The following UBR4 variants were observed in gnomAD, a reference collection of about 807,000 sequenced individuals.
The protein encoded by UBR4 is ubiquitin protein ligase E3 component n-recognin 4.
In UBR4, 124 loss-of-function variants were observed where a neutral mutation model predicts 575.6. That is an observed-to-expected ratio of 0.22 (90% confidence interval 0.19 to 0.25). The LOEUF is 0.25. Among genes scored for constraint, UBR4 ranks in the 10% least tolerant of loss-of-function variants. UBR4 has a pLI of 1.00. For synonymous variants in UBR4, 2,455 were observed against 2,473.7 expected, an observed-to-expected ratio of 0.99 and a Z score of 0.22; for missense variants, 4,818 against 6,478.8, an observed-to-expected ratio of 0.74 and a Z score of 8.80.
Position 19,104,157 on chromosome 1 carries a change from C to T in UBR4, c.12828G>A (p.Leu4276=), listed in dbSNP as rs1302207201. 6 of 1,614,146 alleles carry T rather than the reference C, an allele frequency of 3.7e-6. No homozygotes were observed. Among genetic ancestry groups the T allele is most frequent in the Non-Finnish European group, 5.1e-6 (6 of 1,180,062 alleles). The part of the protein sequence containing the change: ...VLNGYLCLRK[L]VVQRTKLIDE... ...CGATCAGCTTGGTCCTCTGCACCAC[C>T]AGCTTCCGCAAGCACAGGTATCCAT... The change falls in exon 87 of 106, where the codon CTG becomes CTA. Residue 4276 remains leucine (L), a synonymous_variant. Coordinates refer to ENST00000375254, the MANE Select transcript of UBR4 (RefSeq NM_020765.3).
At chr1:19,151,543 G>A in intron 48 of UBR4, 100 bp downstream of exon 48, 3 of 1,274,682 alleles carry the variant, frequency 2.4e-6, no homozygotes, top group Non-Finnish European at 3.4e-6. Flanking sequence ...AAAATCAGCA[G>A]AGTGGAGAGA....
In UBR4 at chr1:19,175,051, G is replaced by A; in HGVS notation, c.2774-18C>T. ...GACAGCATCTGAAAAGTAATATGCT[G>A]ATTAAAAGAATGGTTCCATTCTTAA... On this transcript the variant is annotated intron_variant, in intron 20 of 105. Coordinates refer to ENST00000375254, the MANE Select transcript of UBR4 (RefSeq NM_020765.3). The A allele has an allele frequency of 6.2e-7, 1 of 1,602,074 alleles. No individual in the cohort carries two copies. The highest frequency in any genetic ancestry group is 8.5e-7 in the Non-Finnish European group (1 of 1,171,408).
chr1:19,081,104 T>G (rs768725621), intron 103 of UBR4: 1 of 439,104 alleles, frequency 2.3e-6, no homozygotes, highest in Non-Finnish European at 4.1e-6. Flanking sequence ...TTCCTAACAT[T>G]TTCTACAGTA....
rs200325207 is a variant in UBR4 at position 19,153,304 on chromosome 1, T to C, written c.6829A>G (p.Ile2277Val). ...GTCATCTGAGAAGGAGCCTTACTGATTGTAGCTGTTTTGCGCTTTCGAACA... is the reference window on the plus strand; with the variant it reads ...GTCATCTGAGAAGGAGCCTTACTGACTGTAGCTGTTTTGCGCTTTCGAACA... ...KPVRKRKTAT[I>V]TTRTSSQVTF... Residue 2277 changes from isoleucine (I) to valine (V), a missense_variant, in exon 46 of 106, where the codon ATC becomes GTC. Ile to Val is a conservative substitution (Grantham distance 29). This residue lies in a region of UBR4 where 461 missense variants were observed against 606.9 expected (regional missense o/e 0.76). Transcript: ENST00000375254. This position sits in a 1 kb window ranked among gnomAD's most constrained non-coding sequence, Gnocchi z 4.1. The C allele has an allele frequency of 8.1e-5, 130 of 1,614,052 alleles. No individual in the cohort carries two copies. The highest frequency in any genetic ancestry group is 1.1e-4 in the Non-Finnish European group (127 of 1,180,016).
At chr1:19,101,399 A>G in intron 88 of UBR4, 121 bp downstream of exon 88, 2 of 1,324,112 alleles carry the variant, frequency 1.5e-6, no homozygotes, top group Non-Finnish European at 2.0e-6. Flanking sequence ...TTCTTTCACT[A>G]ATGACTAAGT....
intron 17 of UBR4, among the ~76,000 whole-genome samples, chr1:19,182,363 T>C (rs139421729): frequency 2.0e-5 from 3 of 151,598 alleles, no homozygotes; most frequent in African/African-American, 7.3e-5. Context: ...TTTTGGCAGA[T>C]GGGGATCTTG....
At position 19,190,979 on chromosome 1, in the gene UBR4, C is replaced by G. The variant is rs140315763; in HGVS notation, c.1394+1209G>C. On this transcript the variant is annotated intron_variant, in intron 11 of 105. Coordinates refer to ENST00000375254, the MANE Select transcript of UBR4 (RefSeq NM_020765.3). ...CTGGCTACCTGTCTGACCTAATTTTCTACCACTCTCCCACCTTGGTTTCTC... is the reference window on the plus strand; with the variant it reads ...CTGGCTACCTGTCTGACCTAATTTTGTACCACTCTCCCACCTTGGTTTCTC... 1.7e-3 allele frequency among the ~76,000 whole-genome samples: 252 copies of G among 152,272 alleles called. 3 individuals are homozygous for G. The highest frequency in any genetic ancestry group is 5.8e-3 in the African/African-American group (243 of 41,568).
rs542367665 is a variant in UBR4, at chr1:19,146,122, C to T, written c.7805-189G>A. 1,008 of 1,536,492 alleles carry T rather than the reference C, an allele frequency of 6.6e-4. 17 individuals are homozygous for T. The South Asian group carries it at 0.011, about 17-fold the overall frequency. ...AAAAAACAGTCTGGGAAAGGAATAT[C>T]GCAGAAAACATTGTATGTTAGAATT... On this transcript the variant is annotated intron_variant, in intron 52 of 105. Coordinates refer to ENST00000375254, the MANE Select transcript of UBR4 (RefSeq NM_020765.3).
At position 19,165,673 on chromosome 1, in the gene UBR4, C is replaced by T. The variant is rs368119637; in HGVS notation, c.4194G>A (p.Glu1398=). ...CGGCTCACCTGTCAGAGAAAAACTC[C>T]TCCATAGCTTTACGAGCCTGGCTAC... ...LESSQARKAM[E]EFFSDSGELV... The change falls in exon 30 of 106, where the codon GAG becomes GAA. Residue 1398 remains glutamate (E), a synonymous_variant. Coordinates refer to ENST00000375254, the MANE Select transcript of UBR4 (RefSeq NM_020765.3). 4.5e-5 allele frequency: 72 copies of T among 1,614,012 alleles called. No homozygotes were observed. The highest frequency in any genetic ancestry group is 1.7e-4 in the Middle Eastern group (1 of 6,060).
chr1:19,183,775 T>G, intron 17 of UBR4, 36 bp downstream of exon 17: 1 of 1,600,364 alleles, frequency 6.2e-7, no homozygotes, highest in Non-Finnish European at 8.6e-7. Context: ...GCTGGTGTCA[T>G]GAGCTCTTGC....
At chr1:19,192,621 T>C (rs1156343694) in intron 9 of UBR4, 81 bp from the exon 10 acceptor site, 1 of 1,467,782 alleles carries the variant, frequency 6.8e-7, no homozygotes, top group Non-Finnish European at 9.5e-7. Flanking sequence ...CCAAACAATT[T>C]AACTTGAAGA....
chr1:19,150,500 C>A, intron 49 of UBR4, 77 bp downstream of exon 49: 1 of 1,495,014 alleles, frequency 6.7e-7, no homozygotes, highest in Non-Finnish European at 9.2e-7. Context: ...TAGAAGCTGG[C>A]TCTCTCAAGA....
chr1:19,148,543 G>A lies in UBR4; in HGVS notation c.7494+20C>T, dbSNP rs1403339941. ...CTGCCTCTTCAGAAAGCTTCCATGT[G>A]CTTTGAAAAAGTGACTTGCCTTCTC... is the stretch of plus-strand genomic sequence containing the variant. On this transcript the variant is annotated intron_variant, in intron 50 of 105. Coordinates refer to ENST00000375254, the MANE Select transcript of UBR4 (RefSeq NM_020765.3). 1.2e-6 allele frequency: 2 copies of A among 1,614,180 alleles called. No homozygotes were observed. The highest frequency in any genetic ancestry group is 2.2e-5 in the South Asian group (2 of 91,082).
chr1:19,166,221 C>T (rs1216304768), intron 29 of UBR4, among the ~76,000 whole-genome samples: 1 of 152,306 alleles, frequency 6.6e-6, no homozygotes, highest in East Asian at 1.9e-4. Flanking sequence ...TACAATTCTC[C>T]GTGGGGTGAA....
intron 37 of UBR4, 151 bp downstream of exon 37, chr1:19,161,438 T>C (rs2087353674): frequency 8.6e-7 from 1 of 1,168,478 alleles, no homozygotes; most frequent in Non-Finnish European, 1.2e-6. Context: ...ATGAAGTCCT[T>C]AGGCCACAAC....
intron 99 of UBR4, 57 bp downstream of exon 99, chr1:19,087,759 C>G: frequency 6.9e-7 from 1 of 1,447,638 alleles, no homozygotes; most frequent in Non-Finnish European, 9.6e-7. Flanking sequence ...GGGATGCTAC[C>G]TAGAACAAGG....
At chr1:19,190,312 A>AAAAAAAATATATATATATAT in intron 11 of UBR4, among the ~76,000 whole-genome samples, 57 of 79,834 alleles carry the variant, frequency 7.1e-4, no homozygotes, top group East Asian at 1.2e-3. Flanking sequence ...AAAAAAAAAA[A>AAAAAAAATATATATATATAT]ATATATATAT....
chr1:19,123,588 G>A (rs2081406022), intron 65 of UBR4, among the ~76,000 whole-genome samples: 1 of 152,046 alleles, frequency 6.6e-6, no homozygotes, highest in African/African-American at 2.4e-5. Flanking sequence ...AATCAAAGAG[G>A]AAAATACCAA....
chr1:19,200,409 T>C (rs920043339), intron 2 of UBR4, among the ~76,000 whole-genome samples: 1 of 152,260 alleles, frequency 6.6e-6, no homozygotes, highest in East Asian at 1.9e-4. Flanking sequence ...ACTATTGTAG[T>C]AGTATTCCCA....
Sources: gnomAD v4.1 joint callset for allele counts (sites outside exome capture counted in the v4.1 genomes callset) on GRCh38, gnomAD v4.1.1 for gene constraint, gnomAD v4.1.1 regional missense constraint, Gnocchi (gnomAD v3.1) non-coding constraint, MANE v1.5 for transcripts, NCBI Gene and HGNC (gene_info 2026-07-23, HGNC 2026-07-21) for gene names.